PDE4D: variants seen among roughly 807,000 people sequenced by gnomAD.
PDE4D encodes the protein phosphodiesterase 4D, also known as 3',5'-cyclic-AMP phosphodiesterase 4D.
In PDE4D, 24 loss-of-function variants were observed where a neutral mutation model predicts 87.4. The observed-to-expected ratio is 0.27, with a 90% CI of 0.20 to 0.39. PDE4D has a LOEUF of 0.39. Ranked by LOEUF, PDE4D falls within the 10% of genes least tolerant of loss-of-function variation. The probability of loss-of-function intolerance (pLI) is 1.00; values close to 1 mark genes in which losing one functional copy is unlikely to be tolerated. For synonymous variants in PDE4D, 384 were observed against 383.2 expected (o/e 1.00, Z -0.02); for missense variants, 714 against 1,041.0 (o/e 0.69, Z 4.32).
At chr5:60,082,383 AC>A (rs1184760261) in intron 2 of PDE4D, among the ~76,000 whole-genome samples, 3 of 152,026 alleles carry the variant, frequency 2.0e-5, no homozygotes, top group Non-Finnish European at 2.9e-5. Context: ...ATCTGCCAGC[AC>A]CTTAATCTTG....
chr5:59,356,199 A>G lies in PDE4D; in HGVS notation c.456-140231T>C, dbSNP rs535672483. On this transcript the variant is annotated intron_variant, in intron 1 of 14. Transcript: ENST00000340635. ...TTAAAATAAGCTGATTTTGTTGTAA[A>G]ACAGTCATTGACAGTTTAGTGAAGT... 4.7e-4 allele frequency among the ~76,000 whole-genome samples: 72 copies of G among 152,312 alleles called. 1 individual carries two copies. The highest frequency in any genetic ancestry group is 1.6e-3 in the African/African-American group (68 of 41,568).
chr5:60,033,038 T>C (rs967126920), intron 2 of PDE4D: 2 of 152,118 alleles, frequency 1.3e-5, no homozygotes, highest in South Asian at 2.1e-4. Context: ...CTTCTAAAAG[T>C]AGCATTTGTG....
Position 58,990,903 on chromosome 5 carries a change from C to A in PDE4D, c.1189-1G>T. On this transcript the variant is annotated splice_acceptor_variant, in intron 8 of 14. Coordinates refer to ENST00000340635, the MANE Select transcript of PDE4D (RefSeq NM_001104631.2). LOFTEE classifies it high-confidence loss of function. ...CCCATTTGTTCACATCTTCTAGTTC[C>A]TGGAGTGAAAAAAAAAAAAAGATAC... is the stretch of plus-strand genomic sequence containing the variant. The A allele has an allele frequency of 6.7e-7, 1 of 1,498,392 alleles. No homozygotes were observed. The highest frequency in any genetic ancestry group is 1.2e-5 in the South Asian group (1 of 80,298). The allele number at this position is 1,498,392 out of a possible 1,614,324, so 92.8% of individuals were successfully genotyped here.
chr5:59,432,331 C>T (rs1796225674), intron 1 of PDE4D, among the ~76,000 whole-genome samples: 1 of 151,944 alleles, frequency 6.6e-6, no homozygotes, highest in Admixed American at 6.6e-5. Context: ...GAGTTCTTTT[C>T]AATAGTTATA....
chr5:59,907,719 A>G (rs1261896495), intron 3 of PDE4D, among the ~76,000 whole-genome samples: 1 of 152,204 alleles, frequency 6.6e-6, no homozygotes, highest in African/African-American at 2.4e-5. Context: ...GTATTAATGT[A>G]GCAAAAGATG....
chr5:59,368,050 G>A (rs1040403371), intron 1 of PDE4D, among the ~76,000 whole-genome samples: 3 of 152,202 alleles, frequency 2.0e-5, no homozygotes, highest in African/African-American at 7.2e-5. Context: ...TCCTTCCAGA[G>A]CAATTGCTTA....
At chr5:59,120,063 C>G (rs894442079) in intron 5 of PDE4D, among the ~76,000 whole-genome samples, 2 of 152,092 alleles carry the variant, frequency 1.3e-5, no homozygotes, top group Non-Finnish European at 2.9e-5. Context: ...AAACTCCTGG[C>G]CTTAAGTGAT....
chr5:59,415,282 C>T (rs1793409798), intron 1 of PDE4D, among the ~76,000 whole-genome samples: 1 of 152,070 alleles, frequency 6.6e-6, no homozygotes, highest in South Asian at 2.1e-4. Context: ...GGATTTTCTT[C>T]AGGAGAGCTT....
At chr5:60,469,624 G>A (rs570631247) in intron 1 of PDE4D, among the ~76,000 whole-genome samples, 2 of 152,248 alleles carry the variant, frequency 1.3e-5, no homozygotes, top group East Asian at 3.9e-4. Context: ...CTCATTTCAT[G>A]TCTCTGTCAC....
chr5:59,176,107 T>C (rs1419736916), intron 5 of PDE4D, among the ~76,000 whole-genome samples: 1 of 152,208 alleles, frequency 6.6e-6, no homozygotes, highest in Non-Finnish European at 1.5e-5. Flanking sequence ...AAAGAGCTAT[T>C]TAAGTCTCTT....
chr5:58,999,383 G>A (rs1246245593), intron 6 of PDE4D: 2 of 455,496 alleles, frequency 4.4e-6, no homozygotes, highest in African/African-American at 4.1e-5. Flanking sequence ...CATGTGTAAG[G>A]AAAGAATACA....
At chr5:60,451,935 T>C (rs910687829) in intron 1 of PDE4D, among the ~76,000 whole-genome samples, 2 of 152,080 alleles carry the variant, frequency 1.3e-5, no homozygotes, top group African/African-American at 2.4e-5. Context: ...ATGAACTATG[T>C]AATGACAATA....
chr5:59,350,589 C>T (rs969770516), intron 1 of PDE4D, among the ~76,000 whole-genome samples: 6 of 152,150 alleles, frequency 3.9e-5, no homozygotes, highest in African/African-American at 9.7e-5. Flanking sequence ...AATACACAAA[C>T]GCCAAGCACC....
At position 59,056,604 on chromosome 5, in the gene PDE4D, C is replaced by T. The variant is rs542953519; in HGVS notation, c.809-17633G>A. On this transcript the variant is annotated intron_variant, in intron 5 of 14. Coordinates refer to ENST00000340635, the MANE Select transcript of PDE4D (RefSeq NM_001104631.2). ...CTAATGTTCTTCCTCCCCTTGCTCCCCCAACCCCCACCAGGCCCCAGTGTG... is the reference window on the plus strand; with the variant it reads ...CTAATGTTCTTCCTCCCCTTGCTCCTCCAACCCCCACCAGGCCCCAGTGTG... 1.4e-4 allele frequency among the ~76,000 whole-genome samples: 21 copies of T among 152,146 alleles called. 1 individual carries two copies. The South Asian group carries it at 4.4e-3, about 32-fold the overall frequency.
intron 1 of PDE4D, among the ~76,000 whole-genome samples, chr5:59,361,297 T>C (rs1015171568): frequency 1.3e-5 from 2 of 152,306 alleles, no homozygotes; most frequent in South Asian, 4.1e-4. Flanking sequence ...AAAAAATATT[T>C]CTAGACTCAA....
At chr5:60,141,361 T>C (rs979807152) in intron 2 of PDE4D, among the ~76,000 whole-genome samples, 2 of 152,156 alleles carry the variant, frequency 1.3e-5, no homozygotes, top group Non-Finnish European at 2.9e-5. Context: ...AAGACACCTG[T>C]GGCTTCTTTA....
chr5:59,171,806 A>C (rs1211879114), intron 5 of PDE4D, among the ~76,000 whole-genome samples: 3 of 118,446 alleles, frequency 2.5e-5, no homozygotes, highest in Non-Finnish European at 5.0e-5. Flanking sequence ...TATATATTAA[A>C]TATATAATAT....
At chr5:60,000,567 C>T (rs1763927590) in intron 2 of PDE4D, among the ~76,000 whole-genome samples, 1 of 152,078 alleles carries the variant, frequency 6.6e-6, no homozygotes, top group Non-Finnish European at 1.5e-5. Flanking sequence ...ACAAGAATTG[C>T]TAAAAGGAGT....
intron 6 of PDE4D, among the ~76,000 whole-genome samples, chr5:58,993,941 T>C (rs1055377161): frequency 6.6e-6 from 1 of 152,108 alleles, no homozygotes; most frequent in African/African-American, 2.4e-5. Context: ...CAATAAAACA[T>C]GGAATGCTTT....
Sources: allele counts gnomAD v4.1 joint callset (sites outside exome capture counted in the v4.1 genomes callset), GRCh38; gene constraint gnomAD v4.1.1; transcripts MANE v1.5; gene names NCBI Gene and HGNC (gene_info 2026-07-23, HGNC 2026-07-21).